The following MMP26 variants were observed in gnomAD, a reference collection of about 807,000 sequenced individuals.
MMP26 encodes the protein matrix metalloproteinase-26.
Under a neutral mutation model 31.0 loss-of-function variants are expected in MMP26, and 33 were observed. The observed-to-expected ratio is 1.06, with a 90% CI of 0.81 to 1.42. The LOEUF (loss-of-function observed/expected upper bound fraction) is 1.42. MMP26 is among the 40% of genes most tolerant of loss of function. The probability of loss-of-function intolerance (pLI) is 0.00; values close to 1 mark genes in which losing one functional copy is unlikely to be tolerated. For missense variants in MMP26, 347 were observed against 316.1 expected (o/e 1.10, Z -0.74); for synonymous variants, 122 against 114.9 (o/e 1.06, Z -0.40).
chr11:4,981,266 G>C (rs945619886), intron 2 of MMP26, among the ~76,000 whole-genome samples: 5 of 151,880 alleles, frequency 3.3e-5, no homozygotes, highest in Non-Finnish European at 7.4e-5. Context: ...GTCATACAAC[G>C]CTTAATGATA....
chr11:4,900,421 A>C (rs570066736), intron 2 of MMP26, among the ~76,000 whole-genome samples: 1 of 152,312 alleles, frequency 6.6e-6, no homozygotes, highest in African/African-American at 2.4e-5. Context: ...TACATTGGGC[A>C]GTTAACATTG....
chr11:4,719,886 A>C (rs899054869), intron 1 of MMP26, among the ~76,000 whole-genome samples: 5 of 152,234 alleles, frequency 3.3e-5, no homozygotes, highest in Admixed American at 1.3e-4. Context: ...GAAAAAGAGA[A>C]AGTGTCTACT....
intron 2 of MMP26, among the ~76,000 whole-genome samples, chr11:4,950,944 G>A (rs953527197): frequency 1.6e-5 from 2 of 123,812 alleles, no homozygotes; most frequent in African/African-American, 5.5e-5. Flanking sequence ...GTAAATCAGT[G>A]CAAGTTCTTT....
intron 2 of MMP26, among the ~76,000 whole-genome samples, chr11:4,958,620 A>T (rs1005205472): frequency 6.6e-6 from 1 of 151,920 alleles, no homozygotes; most frequent in African/African-American, 2.4e-5. Flanking sequence ...ATCTGTATCT[A>T]TCTGGTTTGT....
At chr11:4,965,010 A>T (rs1026781987) in intron 2 of MMP26, among the ~76,000 whole-genome samples, 1 of 152,168 alleles carries the variant, frequency 6.6e-6, no homozygotes, top group African/African-American at 2.4e-5. Context: ...CTGTGTAGCA[A>T]ATCAACATGG....
chr11:4,767,204 A>G (rs1259888924), intron 1 of MMP26, 66 bp from the exon 2 acceptor site: 4 of 152,142 alleles, frequency 2.6e-5, no homozygotes, highest in Admixed American at 2.6e-4. Context: ...AGACCTTAAA[A>G]CTCAGAAGAT....
At chr11:4,826,617 G>A (rs1157670361) in intron 2 of MMP26, among the ~76,000 whole-genome samples, 1 of 152,020 alleles carries the variant, frequency 6.6e-6, no homozygotes, top group Admixed American at 6.6e-5. Context: ...AGTCTGGTTG[G>A]CAAACCACAA....
chr11:4,898,343 C>T (rs1399268248), intron 2 of MMP26, among the ~76,000 whole-genome samples: 2 of 151,854 alleles, frequency 1.3e-5, no homozygotes, highest in African/African-American at 4.8e-5. Flanking sequence ...TATTATTTCT[C>T]TCTTTTTCTT....
In MMP26 at chr11:4,991,495, T is replaced by C; in HGVS notation, c.594T>C (p.Thr198=). The change falls in exon 6 of 8, where the codon ACT becomes ACC. Residue 198 remains threonine, a splice_region_variant and synonymous_variant. Coordinates refer to ENST00000380390, the MANE Select transcript of MMP26 (RefSeq NM_021801.5). ...DKNEHWSASD[T]GYNLFLVATH... is the part of the protein sequence containing the mutation. ...ATGAACACTGGTCAGCTTCAGACAC[T>C]GGTAAATGCCTTGTTTGGTGGGATC... 6.2e-7 allele frequency: 1 copy of C among 1,613,342 alleles called. No individual in the cohort carries two copies.
intron 2 of MMP26, among the ~76,000 whole-genome samples, chr11:4,839,479 T>C (rs931208168): frequency 1.3e-5 from 2 of 151,608 alleles, no homozygotes; most frequent in African/African-American, 4.8e-5. Flanking sequence ...GAGCTTGTCT[T>C]GCATCTTGCA....
intron 2 of MMP26, among the ~76,000 whole-genome samples, chr11:4,782,923 G>A (rs916753733): frequency 6.6e-6 from 1 of 152,208 alleles, no homozygotes; most frequent in Non-Finnish European, 1.5e-5. Flanking sequence ...TGAGGTTTGA[G>A]AACCTCTGCC....
rs191597763 is a variant in MMP26, at chr11:4,790,543, A to G, written c.-145+23202A>G. 1.3e-5 allele frequency among the ~76,000 whole-genome samples: 2 copies of G among 152,244 alleles called. 1 individual carries two copies. Among genetic ancestry groups the G allele is most frequent in the Admixed American group, 1.3e-4 (2 of 15,292 alleles). ...TTCCAGAAGAAGGTATGTAATTGCT[A>G]TTTGGAGGAAGACATAAGTACTGGC... On this transcript the variant is annotated intron_variant, in intron 2 of 7. Coordinates refer to ENST00000380390, the MANE Select transcript of MMP26 (RefSeq NM_021801.5).
intron 2 of MMP26, among the ~76,000 whole-genome samples, chr11:4,774,887 C>A (rs1323758864): frequency 6.6e-6 from 1 of 152,050 alleles, no homozygotes; most frequent in East Asian, 1.9e-4. Context: ...AATAGGGGTT[C>A]CTTTTCCCAT....
intron 2 of MMP26, chr11:4,890,370 G>T: frequency 5.8e-6 from 1 of 173,470 alleles, no homozygotes; most frequent in South Asian, 1.4e-4. Context: ...GTAGGAGAGG[G>T]ACAGGCCCAG....
At chr11:4,767,989 A>G (rs936196966) in intron 2 of MMP26, among the ~76,000 whole-genome samples, 10 of 152,158 alleles carry the variant, frequency 6.6e-5, no homozygotes, top group African/African-American at 2.4e-4. Flanking sequence ...TCTCTGTAAA[A>G]CTGTGTATAG....
intron 2 of MMP26, among the ~76,000 whole-genome samples, chr11:4,785,278 T>A (rs961686123): frequency 6.6e-6 from 1 of 152,144 alleles, no homozygotes; most frequent in South Asian, 2.1e-4. Context: ...AAAAAATGTA[T>A]TTATCCTCTC....
chr11:4,794,467 A>T (rs149926265), intron 2 of MMP26, among the ~76,000 whole-genome samples: 1 of 152,164 alleles, frequency 6.6e-6, no homozygotes, highest in South Asian at 2.1e-4. Flanking sequence ...TGAGGTTGCA[A>T]TCTTCCTGGA....
intron 2 of MMP26, among the ~76,000 whole-genome samples, chr11:4,768,322 A>G (rs1296401594): frequency 6.6e-6 from 1 of 152,230 alleles, no homozygotes; most frequent in African/African-American, 2.4e-5. Flanking sequence ...AGTGACTCAC[A>G]TGCCATGACA....
intron 1 of MMP26, among the ~76,000 whole-genome samples, chr11:4,706,764 C>T: frequency 6.6e-6 from 1 of 152,116 alleles, no homozygotes; most frequent in Non-Finnish European, 1.5e-5. Flanking sequence ...AACAGCATCT[C>T]CCCCATTTTT....
Sources: allele counts gnomAD v4.1 joint callset (sites outside exome capture counted in the v4.1 genomes callset), GRCh38; gene constraint gnomAD v4.1.1; transcripts MANE v1.5; gene names NCBI Gene and HGNC (gene_info 2026-07-23, HGNC 2026-07-21).